Variants in PRDM4 observed in about 807,000 individuals in gnomAD.
PRDM4 encodes the protein PR/SET domain 4, also known as PR domain zinc finger protein 4.
PRDM4 carries 38 observed loss-of-function variants against 62.3 expected under a neutral mutation model. That is an observed-to-expected ratio of 0.61 (90% CI 0.47 to 0.80). The LOEUF (loss-of-function observed/expected upper bound fraction) is 0.80, where lower values mean the gene tolerates loss of function less well. Ranked by LOEUF, PRDM4 falls within the 30% of genes least tolerant of loss-of-function variation. PRDM4 has a pLI of 0.00. For synonymous variants in PRDM4, 339 were observed against 348.2 expected, an observed-to-expected ratio of 0.97 and a Z score of 0.30; for missense variants, 858 against 997.1, an observed-to-expected ratio of 0.86 and a Z score of 1.88.
In PRDM4 at chr12:107,747,863, G is replaced by C. The variant is rs12427070; in HGVS notation, c.1127-1439C>G. Among the ~76,000 whole-genome samples, 229 of 152,082 alleles carry C rather than the reference G, an allele frequency of 1.5e-3. 2 individuals are homozygous for C. The highest frequency in any genetic ancestry group is 6.7e-3 in the Admixed American group (103 of 15,276). ...AAGGCTGGAGTGCAGTGGCGTTCCTGCTTCAGCCTGCTGGGTAGCTGGGAC... is the reference window on the plus strand; with the variant it reads ...AAGGCTGGAGTGCAGTGGCGTTCCTCCTTCAGCCTGCTGGGTAGCTGGGAC... On this transcript the variant is annotated intron_variant, in intron 5 of 11. Transcript: ENST00000228437.
intron 2 of PRDM4, chr12:107,758,408 C>T (rs1433042252): frequency 2.6e-5 from 4 of 151,878 alleles, no homozygotes; most frequent in African/African-American, 9.7e-5. Flanking sequence ...TGCCACCATG[C>T]CTGGCTAATT....
intron 3 of PRDM4, 152 bp downstream of exon 3, chr12:107,756,680 T>C: frequency 3.3e-6 from 3 of 898,590 alleles, no homozygotes; most frequent in East Asian, 2.8e-5. Flanking sequence ...TTATTTTCCA[T>C]TACCTATCAC....
At chr12:107,747,005 G>T (rs773506994) in intron 5 of PRDM4, among the ~76,000 whole-genome samples, 2 of 151,888 alleles carry the variant, frequency 1.3e-5, no homozygotes, top group Non-Finnish European at 2.9e-5. Context: ...AAATTGGCTG[G>T]GTATGGTAGT....
chr12:107,746,211 T>C, intron 6 of PRDM4, 64 bp downstream of exon 6: 1 of 1,572,770 alleles, frequency 6.4e-7, no homozygotes, highest in Admixed American at 1.8e-5. Context: ...ACATCCACTT[T>C]TACAACTCTA....
In PRDM4 at chr12:107,756,892, C is replaced by T. The variant is rs142942388; in HGVS notation, c.85G>A (p.Val29Ile). The T allele has an allele frequency of 1.2e-5, 20 of 1,614,148 alleles. No individual in the cohort carries two copies. In the African/African-American group the frequency reaches 2.5e-4, roughly 20 times the overall value. ...GCCAATCCCAGGTGACTTCCTGAGA[C>T]TGGCAAGGCATTGCTCACAGAGGAT... ...TSSSVSNALPVSGSHLGLAAS... is the reference protein window; with the variant it reads ...TSSSVSNALPISGSHLGLAAS... The change falls in exon 3 of 12, where the codon GTC (valine) becomes ATC (isoleucine). Residue 29 changes from valine (V) to isoleucine (I), a missense_variant. Coordinates refer to ENST00000228437, the MANE Select transcript of PRDM4 (RefSeq NM_012406.4).
chr12:107,747,402 C>T (rs1035712244), intron 5 of PRDM4, among the ~76,000 whole-genome samples: 3 of 151,940 alleles, frequency 2.0e-5, no homozygotes, highest in Admixed American at 1.3e-4. Context: ...TACTCTTTTG[C>T]TTCACTATAA....
In PRDM4 at chr12:107,746,257, C is replaced by T. The variant is rs1175121350; in HGVS notation, c.1276+18G>A. The T allele has an allele frequency of 9.3e-6, 15 of 1,612,512 alleles. No homozygotes were observed. The highest frequency in any genetic ancestry group is 1.7e-5 in the Admixed American group (1 of 59,780). Reference sequence around the variant, plus strand: ...GAAGAAGAGATGTAATAGTGTTTTACAGTTCCAAGGTTCTTACCAACTTCT... The same window carrying T: ...GAAGAAGAGATGTAATAGTGTTTTATAGTTCCAAGGTTCTTACCAACTTCT... On this transcript the variant is annotated intron_variant, in intron 6 of 11. Coordinates refer to ENST00000228437, the MANE Select transcript of PRDM4 (RefSeq NM_012406.4).
At position 107,755,563 on chromosome 12, in the gene PRDM4, C is replaced by T. The variant is rs61938576; in HGVS notation, c.145+1269G>A. On this transcript the variant is annotated intron_variant, in intron 3 of 11. Coordinates refer to ENST00000228437, the MANE Select transcript of PRDM4 (RefSeq NM_012406.4). ...AGTTTCAATGAATCTTATTTAACTGCTGCATTTTATTAATTAAGCAAGTAA... is the reference window on the plus strand; with the variant it reads ...AGTTTCAATGAATCTTATTTAACTGTTGCATTTTATTAATTAAGCAAGTAA... Among the ~76,000 whole-genome samples the T allele has an allele frequency of 2.6e-5, 4 of 152,156 alleles. No individual in the cohort carries two copies. The South Asian group carries it at 6.2e-4, about 24-fold the overall frequency.
At position 107,733,018 on chromosome 12, in the gene PRDM4, G is replaced by A. The variant is rs1484440953; in HGVS notation, c.*1192C>T. ...GGTTGTGCCTTGAGCAGGAGAGCATGTTCCATCAATCCTGTCAACTTAAGG... is the reference window on the plus strand; with the variant it reads ...GGTTGTGCCTTGAGCAGGAGAGCATATTCCATCAATCCTGTCAACTTAAGG... On this transcript the variant is annotated 3_prime_UTR_variant, in exon 12 of 12. Coordinates refer to ENST00000228437, the MANE Select transcript of PRDM4 (RefSeq NM_012406.4). 6.5e-6 allele frequency: 1 copy of A among 152,678 alleles called. No homozygotes were observed. Among genetic ancestry groups the A allele is most frequent in the African/African-American group, 2.4e-5 (1 of 41,466 alleles). 9.5% of individuals were successfully genotyped at this position (152,678 alleles called of 1,614,324 possible).
intron 2 of PRDM4, 108 bp downstream of exon 2, chr12:107,760,397 A>C: frequency 7.1e-7 from 1 of 1,404,186 alleles, no homozygotes; most frequent in Non-Finnish European, 9.8e-7. Flanking sequence ...TGCAAATCAC[A>C]CCTGTAACCT....
Position 107,751,541 on chromosome 12 carries a change from G to C in PRDM4, c.1000C>G (p.Gln334Glu). The change falls in exon 5 of 12, where the codon CAG becomes GAG. Residue 334 changes from glutamine (Q) to glutamate (E), a missense_variant. Transcript: ENST00000228437. ...TGACCTGTCCCCATAGCAACCTCCT[G>C]GGTGATGGAGGAGACAGCCACAGGT... ...LEPVAVSSIT[Q>E]EVAMGTGHVD... 1 of 1,611,888 alleles carries C rather than the reference G, an allele frequency of 6.2e-7. No individual in the cohort carries two copies. The highest frequency in any genetic ancestry group is 2.2e-5 in the East Asian group (1 of 44,858).
At chr12:107,759,820 C>CT (rs1253700768) in intron 2 of PRDM4, 6 of 152,244 alleles carry the variant, frequency 3.9e-5, no homozygotes, top group Non-Finnish European at 2.9e-5. Context: ...ATACTAAGCT[C>CT]TATCTTCCCT....
At chr12:107,754,169 A>G in intron 3 of PRDM4, 60 bp from the exon 4 acceptor site, 4 of 1,334,410 alleles carry the variant, frequency 3.0e-6, no homozygotes, top group Non-Finnish European at 3.1e-6. Flanking sequence ...AATTCTCACT[A>G]CAACCACTGG....
At chr12:107,737,315 T>C (rs1890365364) in intron 11 of PRDM4, among the ~76,000 whole-genome samples, 1 of 152,114 alleles carries the variant, frequency 6.6e-6, no homozygotes, top group East Asian at 1.9e-4. Flanking sequence ...TACAAGCATC[T>C]GAAAATTTTA....
chr12:107,746,844 T>TA lies in PRDM4; in HGVS notation c.1127-421dup, dbSNP rs551545313. Among the ~76,000 whole-genome samples, 12 of 152,196 alleles carry TA rather than the reference T, an allele frequency of 7.9e-5. No homozygotes were observed. In the East Asian group the frequency reaches 2.3e-3, roughly 29 times the overall value. The stretch of plus-strand genomic sequence containing the variant: ...TATCCAGTAAGAAGCACGGTTCTAA[T>TA]AGAGATATTCTTATCAAAGACTCAC... On this transcript the variant is annotated intron_variant, in intron 5 of 11. Transcript: ENST00000228437.
In PRDM4 at chr12:107,755,860, G is replaced by A. The variant is rs190009957; in HGVS notation, c.145+972C>T. Among the ~76,000 whole-genome samples, 258 of 152,234 alleles carry A rather than the reference G, an allele frequency of 1.7e-3. 5 individuals carry two copies. In the East Asian group the frequency reaches 0.021, roughly 13 times the overall value. ...AGCACTCTGGGAGGCCGAGGAGGGC[G>A]GATCACCTGAGGGCAGGAGTTCGAG... On this transcript the variant is annotated intron_variant, in intron 3 of 11. Transcript: ENST00000228437.
intron 11 of PRDM4, among the ~76,000 whole-genome samples, chr12:107,737,113 C>G (rs940571862): frequency 2.0e-5 from 3 of 151,640 alleles, no homozygotes; most frequent in African/African-American, 4.9e-5. Flanking sequence ...CATCACTGTT[C>G]TTCTGCTCAC....
intron 5 of PRDM4, among the ~76,000 whole-genome samples, chr12:107,748,904 G>A (rs1002445487): frequency 6.6e-6 from 1 of 151,998 alleles, no homozygotes; most frequent in African/African-American, 2.4e-5. Flanking sequence ...AGCTTATTTA[G>A]GCCACCTCCT....
At position 107,751,926 on chromosome 12, in the gene PRDM4, C is replaced by T. The variant is rs147233366; in HGVS notation, c.615G>A (p.Ser205=). Residue 205 remains serine (S), a synonymous_variant, in exon 5 of 12, where the codon TCG becomes TCA. Transcript: ENST00000228437. ...ENVSRVTSPI[S]TDGMAEELTM... ...TAAGCTCCTCTGCCATTCCATCTGT[C>T]GAAATTGGGCTGGTAACCCTAGAAA... 1.7e-5 allele frequency: 27 copies of T among 1,614,216 alleles called. No individual in the cohort carries two copies. In the African/African-American group the frequency reaches 2.7e-4, roughly 16 times the overall value.
Sources: allele counts gnomAD v4.1 joint callset (sites outside exome capture counted in the v4.1 genomes callset), GRCh38; gene constraint gnomAD v4.1.1; transcripts MANE v1.5; gene names NCBI Gene and HGNC (gene_info 2026-07-23, HGNC 2026-07-21).